The following MPRIP variants were observed in gnomAD, a reference collection of about 807,000 sequenced individuals.
The protein encoded by MPRIP is myosin phosphatase Rho interacting protein.
Under a neutral mutation model 234.9 loss-of-function variants are expected in MPRIP, and 59 were observed. The observed-to-expected ratio is 0.25, with a 90% CI of 0.20 to 0.31. MPRIP has a LOEUF of 0.31. MPRIP is among the 10% of genes least tolerant of loss of function. The pLI, the probability that MPRIP is intolerant of heterozygous loss-of-function variation, is 1.00. For missense variants in MPRIP, 2,436 were observed against 3,071.0 expected, an observed-to-expected ratio of 0.79 and a Z score of 4.89; for synonymous variants, 1,144 against 1,263.9, an observed-to-expected ratio of 0.91 and a Z score of 2.01.
At chr17:17,177,830 T>C (rs2046288295) in intron 22 of MPRIP, among the ~76,000 whole-genome samples, 1 of 152,122 alleles carries the variant, frequency 6.6e-6, no homozygotes, top group Non-Finnish European at 1.5e-5. Context: ...GGCCCTTTTT[T>C]TCTTGGCTAA....
chr17:17,160,086 C>T (rs905126585), intron 14 of MPRIP, among the ~76,000 whole-genome samples: 37 of 152,218 alleles, frequency 2.4e-4, no homozygotes, highest in African/African-American at 8.9e-4. Flanking sequence ...AGTCAGGGGT[C>T]GGCTGGGCAT....
chr17:17,145,910 T>C (rs1293942406), intron 9 of MPRIP, 126 bp from the exon 10 acceptor site: 2 of 905,004 alleles, frequency 2.2e-6, no homozygotes, highest in Non-Finnish European at 3.5e-6. Flanking sequence ...TGCACAGGCT[T>C]GTCTGGCAGG....
intron 9 of MPRIP, 109 bp downstream of exon 9, chr17:17,143,778 C>T (rs1388111918): frequency 3.3e-6 from 2 of 614,126 alleles, no homozygotes; most frequent in Non-Finnish European, 2.6e-6. Flanking sequence ...CCTCTGTGCA[C>T]AGGCCCTCGT....
intron 3 of MPRIP, among the ~76,000 whole-genome samples, chr17:17,092,110 G>A (rs2065045742): frequency 6.6e-6 from 1 of 152,216 alleles, no homozygotes; most frequent in African/African-American, 2.4e-5. Context: ...TTGACTGCCT[G>A]TACCATCTTG....
rs138116019 is a variant in MPRIP at position 17,095,995 on chromosome 17, T to TCCCC, written c.267+17923_267+17926dup. 5.8e-4 allele frequency among the ~76,000 whole-genome samples: 88 copies of TCCCC among 151,570 alleles called. 1 individual carries two copies. Among genetic ancestry groups the TCCCC allele is most frequent in the Admixed American group, 1.5e-3 (23 of 15,224 alleles). The stretch of plus-strand genomic sequence containing the variant: ...CTTTTCATCCTTGAGAGTTTATACC[T>TCCCC]CCCCCCCACACACACTTTATGGTCA... On this transcript the variant is annotated intron_variant, in intron 3 of 23. Transcript: ENST00000651222.
chr17:17,191,104 G>A lies in MPRIP; in HGVS notation c.*6210G>A, dbSNP rs1051422224. ...AAAACGTTTGGTCATCTAACAGATG[G>A]TTTTAAAGTGTACAATATCCAAAAT... On this transcript the variant is annotated 3_prime_UTR_variant, in exon 24 of 24. Transcript: ENST00000651222. 7 of 152,180 alleles carry A rather than the reference G, an allele frequency of 4.6e-5. No homozygotes were observed. Among genetic ancestry groups the A allele is most frequent in the Non-Finnish European group, 7.3e-5 (5 of 68,030 alleles). 9.4% of individuals were successfully genotyped at this position (152,180 alleles called of 1,614,324 possible). A position where few individuals can be genotyped will look rare whatever the true frequency, so the allele number is the denominator to read the frequency against.
intron 1 of MPRIP, among the ~76,000 whole-genome samples, chr17:17,074,815 T>C (rs2089289652): frequency 6.6e-6 from 1 of 152,230 alleles, no homozygotes; most frequent in African/African-American, 2.4e-5. Context: ...ATGTTAGTGC[T>C]TCATTCCTTT....
intron 3 of MPRIP, among the ~76,000 whole-genome samples, chr17:17,092,877 C>T (rs190363650): frequency 5.9e-5 from 9 of 152,288 alleles, no homozygotes; most frequent in Admixed American, 2.0e-4. Flanking sequence ...GAGAGCGCCC[C>T]GGCCACACCA....
At chr17:17,055,361 A>G (rs2088661433) in intron 1 of MPRIP, among the ~76,000 whole-genome samples, 1 of 152,068 alleles carries the variant, frequency 6.6e-6, no homozygotes, top group African/African-American at 2.4e-5. Flanking sequence ...ATGCCCAAGG[A>G]AGGTAGAGAG....
At chr17:17,112,478 A>G (rs542284267) in intron 3 of MPRIP, among the ~76,000 whole-genome samples, 2 of 152,300 alleles carry the variant, frequency 1.3e-5, no homozygotes, top group East Asian at 3.9e-4. Context: ...CCATGGAGTT[A>G]AAGGATTTGG....
At chr17:17,128,542 C>T (rs1351206605) in intron 4 of MPRIP, among the ~76,000 whole-genome samples, 2 of 152,134 alleles carry the variant, frequency 1.3e-5, no homozygotes, top group African/African-American at 2.4e-5. Context: ...TAGACAAGAT[C>T]GTTAATGGAC....
intron 21 of MPRIP, 95 bp downstream of exon 21, chr17:17,176,607 C>G (rs1356868619): frequency 1.0e-6 from 1 of 962,372 alleles, no homozygotes; most frequent in African/African-American, 1.6e-5. Context: ...GCGGGCTCTT[C>G]TGAAGCAGAT....
chr17:17,057,470 A>G (rs11654562), intron 1 of MPRIP, among the ~76,000 whole-genome samples: 14,026 of 152,240 alleles, frequency 0.092, 913 homozygotes, highest in South Asian at 0.18. Flanking sequence ...TGGAGACCCC[A>G]GGGAGACGCG....
chr17:17,092,457 C>T (rs1339789280), intron 3 of MPRIP, among the ~76,000 whole-genome samples: 1 of 152,126 alleles, frequency 6.6e-6, no homozygotes, highest in Non-Finnish European at 1.5e-5. Context: ...GGTAGGTGGA[C>T]ACTTCTAATC....
rs137891369 is a variant in MPRIP, at chr17:17,071,837, C to T, written c.124-3873C>T. Among the ~76,000 whole-genome samples the T allele has an allele frequency of 1.0e-3, 159 of 152,252 alleles. 1 individual carries two copies. Among genetic ancestry groups the T allele is most frequent in the African/African-American group, 3.5e-3 (144 of 41,550 alleles). On this transcript the variant is annotated intron_variant, in intron 1 of 23. Coordinates refer to ENST00000651222, the MANE Select transcript of MPRIP (RefSeq NM_001364716.4). The stretch of plus-strand genomic sequence containing the variant: ...GTGCAGGGCTGCTTGAAACAGGACT[C>T]GGGCCCCATCCTTTGGGTCCTTACA...
At chr17:17,043,014 C>A in intron 1 of MPRIP, 43 bp downstream of exon 1, 1 of 1,586,530 alleles carries the variant, frequency 6.3e-7, no homozygotes. Flanking sequence ...TTCTGGGAGC[C>A]GCGGGTCGGC....
At chr17:17,168,408 G>A (rs1450269725) in intron 16 of MPRIP, 2 of 253,798 alleles carry the variant, frequency 7.9e-6, no homozygotes, top group Non-Finnish European at 1.6e-5. Context: ...GGAGAGCACA[G>A]TCGGGCGGAG....
At chr17:17,068,674 G>T (rs969204854) in intron 1 of MPRIP, among the ~76,000 whole-genome samples, 4 of 152,066 alleles carry the variant, frequency 2.6e-5, no homozygotes, top group Admixed American at 1.3e-4. Context: ...GGGACTACAG[G>T]TGTGTGCCAC....
chr17:17,151,831 G>A (rs774219224), intron 12 of MPRIP, among the ~76,000 whole-genome samples: 30 of 152,384 alleles, frequency 2.0e-4, no homozygotes, highest in Non-Finnish European at 4.0e-4. Flanking sequence ...TGGGTGGAGA[G>A]TGTGATGAGT....
Sources: gnomAD v4.1 joint callset for allele counts (sites outside exome capture counted in the v4.1 genomes callset) on GRCh38, gnomAD v4.1.1 for gene constraint, MANE v1.5 for transcripts, NCBI Gene and HGNC (gene_info 2026-07-23, HGNC 2026-07-21) for gene names.